The following NOP14 variants were observed in gnomAD, a reference collection of about 807,000 sequenced individuals.
The protein encoded by NOP14 is nucleolar protein 14.
In NOP14, 57 loss-of-function variants were observed where a neutral mutation model predicts 101.6. The ratio of observed to expected loss-of-function variants is 0.56; its 90% confidence interval spans 0.45 to 0.70. The LOEUF (loss-of-function observed/expected upper bound fraction) is 0.70, where lower values mean the gene tolerates loss of function less well. NOP14 is among the 30% of genes least tolerant of loss of function. The pLI is 0.00. For synonymous variants in NOP14, 428 were observed against 424.0 expected (o/e 1.01, Z -0.12); for missense variants, 1,134 against 1,075.5 (o/e 1.05, Z -0.76).
chr4:2,947,152 A>G (rs1173074964), intron 10 of NOP14: 2 of 282,536 alleles, frequency 7.1e-6, no homozygotes, highest in Non-Finnish European at 1.3e-5. Flanking sequence ...AAGCCACCCA[A>G]CTGGGTTTCA....
Position 2,939,793 on chromosome 4 carries a change from G to T in NOP14, c.2200-148C>A. On this transcript the variant is annotated intron_variant, in intron 15 of 17. Transcript: ENST00000416614. ...TGGTGCCCTTGCTGTGCGCCTACCG[G>T]TGGGCGGGGGGGTAAGCCAAGGCTG... The T allele has an allele frequency of 1.1e-5, 8 of 711,082 alleles. No homozygotes were observed. In the South Asian group the frequency reaches 1.3e-4, roughly 11 times the overall value. The allele number at this position is 711,082 out of a possible 1,614,324, so 44.0% of individuals were successfully genotyped here. A position where few individuals can be genotyped will look rare whatever the true frequency, so the allele number is the denominator to read the frequency against.
chr4:2,944,324 G>T, intron 12 of NOP14, 98 bp from the exon 13 acceptor site: 3 of 1,075,620 alleles, frequency 2.8e-6, no homozygotes, highest in Non-Finnish European at 4.1e-6. Flanking sequence ...ACCCCACTGA[G>T]CTTCACAAGT....
In NOP14 at chr4:2,963,271, G is replaced by C; in HGVS notation, c.49C>G (p.Pro17Ala). The part of the protein sequence containing the change: ...VGARRKASGA[P>A]AGARGGPAKA... ...GCCGGGCCCCCTCGCGCTCCCGCCG[G>C]CGCCCCGGAGGCCTTCCTTCGCGCC... Residue 17 changes from proline to alanine, a missense_variant, in exon 1 of 18, where the codon CCG (proline) becomes GCG (alanine). By Grantham distance (27) the Pro-to-Ala change is conservative. Coordinates refer to ENST00000416614, the MANE Select transcript of NOP14 (RefSeq NM_001291978.2). The C allele has an allele frequency of 6.3e-7, 1 of 1,591,144 alleles. No homozygotes were observed. Among genetic ancestry groups the C allele is most frequent in the East Asian group, 2.4e-5 (1 of 41,600 alleles).
At chr4:2,960,057 C>T (rs1339765811) in intron 1 of NOP14, among the ~76,000 whole-genome samples, 1 of 152,030 alleles carries the variant, frequency 6.6e-6, no homozygotes, top group Non-Finnish European at 1.5e-5. Context: ...ACAACCTCCA[C>T]CTGCCGGGTT....
rs1404192535 is a variant in NOP14 at position 2,948,338 on chromosome 4, C to T, written c.1353G>A (p.Val451=). Reference sequence around the variant, plus strand: ...GGTGGTTGCACTTCTGAATTCTCTCCACCACCAAAAGCTGCTCTTCCATCG... The same window carrying T: ...GGTGGTTGCACTTCTGAATTCTCTCTACCACCAAAAGCTGCTCTTCCATCG... ...GRSMEEQLLV[V]ERIQKCNHPS... Residue 451 remains valine (V), a synonymous_variant, in exon 9 of 18, where the codon GTG becomes GTA. Coordinates refer to ENST00000416614, the MANE Select transcript of NOP14 (RefSeq NM_001291978.2). 1 of 1,612,182 alleles carries T rather than the reference C, an allele frequency of 6.2e-7. No individual in the cohort carries two copies.
rs55690564 is a variant in NOP14 at position 2,960,798 on chromosome 4, T to C, written c.195+2327A>G. ...ATTAATATTATAATCACATTAATAT[T>C]AATATATTAATATTATAATCACATT... On this transcript the variant is annotated intron_variant, in intron 1 of 17. Coordinates refer to ENST00000416614, the MANE Select transcript of NOP14 (RefSeq NM_001291978.2). 2.0e-4 allele frequency among the ~76,000 whole-genome samples: 25 copies of C among 122,114 alleles called. 1 individual carries two copies. The highest frequency in any genetic ancestry group is 1.2e-3 in the South Asian group (5 of 4,260). The allele number at this position is 122,114 out of a possible 152,430, so 80.1% of individuals were successfully genotyped here.
At chr4:2,952,131 C>A in intron 6 of NOP14, 144 bp downstream of exon 6, 12 of 625,934 alleles carry the variant, frequency 1.9e-5, no homozygotes, top group Non-Finnish European at 2.6e-5. Flanking sequence ...AAAAGGTATT[C>A]ATGAATAAAT....
chr4:2,939,630 T>G lies in NOP14; in HGVS notation c.2215A>C (p.Thr739Pro). ...TTCTGGCTTTCCATTTCGGTCAGTGTGCTCTGACACAGCTCCTGAAAAACA... is the reference window on the plus strand; with the variant it reads ...TTCTGGCTTTCCATTTCGGTCAGTGGGCTCTGACACAGCTCCTGAAAAACA... ...PQELQELCQS[T>P]LTEMESQKQL... Residue 739 changes from threonine to proline, a missense_variant, in exon 16 of 18, where the codon ACA becomes CCA. Coordinates refer to ENST00000416614, the MANE Select transcript of NOP14 (RefSeq NM_001291978.2). 3.1e-6 allele frequency: 5 copies of G among 1,613,602 alleles called. No individual in the cohort carries two copies. Among genetic ancestry groups the G allele is most frequent in the Non-Finnish European group, 3.4e-6 (4 of 1,179,818 alleles).
intron 15 of NOP14, 168 bp downstream of exon 15, chr4:2,941,414 C>G: frequency 3.1e-6 from 2 of 646,336 alleles, no homozygotes; most frequent in Non-Finnish European, 5.3e-6. Flanking sequence ...GCACTGCTCA[C>G]CGTCACTGCC....
chr4:2,959,492 C>G (rs554011518), intron 1 of NOP14, among the ~76,000 whole-genome samples: 5 of 152,222 alleles, frequency 3.3e-5, no homozygotes, highest in East Asian at 1.9e-4. Context: ...ACTCAGGAGG[C>G]TGAGGCAGGA....
intron 5 of NOP14, among the ~76,000 whole-genome samples, chr4:2,952,788 C>G (rs982183956): frequency 6.6e-6 from 1 of 152,118 alleles, no homozygotes; most frequent in Non-Finnish European, 1.5e-5. Context: ...ACTAAAAATA[C>G]AAAAATTAGT....
In NOP14 at chr4:2,942,193, G is replaced by A. The variant is rs144256817; in HGVS notation, c.2050C>T (p.Arg684Ter). 6.2e-6 allele frequency: 10 copies of A among 1,613,640 alleles called. No homozygotes were observed. Among genetic ancestry groups the A allele is most frequent in the Admixed American group, 3.3e-5 (2 of 59,990 alleles). ...APTSTEANHI[R>*]LSCLAVGLAL... ...CCAAAGCGGGGTCCCCTCACATACC[G>A]GATGTGATTGGCCTCTGTCGAAGTT... Residue 684 changes from arginine to a stop codon, truncating the protein, a stop_gained and splice_region_variant, in exon 14 of 18, where the codon CGA (arginine) becomes TGA (stop). Transcript: ENST00000416614. LOFTEE classifies it high-confidence loss of function.
At position 2,941,591 on chromosome 4, in the gene NOP14, C is replaced by T. The variant is rs199512499; in HGVS notation, c.2190G>A (p.Gln730=). 1.6e-5 allele frequency: 26 copies of T among 1,612,226 alleles called. No homozygotes were observed. Among genetic ancestry groups the T allele is most frequent in the Admixed American group, 3.3e-5 (2 of 59,932 alleles). ...TDHLADCSHP[Q]ELQELCQSTL... ...GGCCGGGAAGCCTCACCTGGAGCTCCTGCGGGTGGCTGCAGTCCGCCAGGT... is the reference window on the plus strand; with the variant it reads ...GGCCGGGAAGCCTCACCTGGAGCTCTTGCGGGTGGCTGCAGTCCGCCAGGT... Residue 730 remains glutamine, a synonymous_variant, in exon 15 of 18, where the codon CAG becomes CAA. Coordinates refer to ENST00000416614, the MANE Select transcript of NOP14 (RefSeq NM_001291978.2).
rs566986795 is a variant in NOP14, at chr4:2,938,652, C to T, written c.*179G>A. 99 of 587,674 alleles carry T rather than the reference C, an allele frequency of 1.7e-4. No homozygotes were observed. The East Asian group carries it at 1.9e-3, about 11-fold the overall frequency. The allele number at this position is 587,674 out of a possible 1,614,324, so 36.4% of individuals were successfully genotyped here. On this transcript the variant is annotated 3_prime_UTR_variant, in exon 18 of 18. Coordinates refer to ENST00000416614, the MANE Select transcript of NOP14 (RefSeq NM_001291978.2). ...TCCCGAGTAGTTGGGACTACAGGTG[C>T]GTGCCACCACACTTGGCTAATTTTT...
intron 2 of NOP14, 72 bp from the exon 3 acceptor site, chr4:2,956,883 G>A: frequency 7.9e-7 from 1 of 1,260,260 alleles, no homozygotes; most frequent in Non-Finnish European, 1.1e-6. Flanking sequence ...AGATAAGGTA[G>A]ATATATATAT....
intron 10 of NOP14, chr4:2,947,220 G>A: frequency 4.6e-6 from 2 of 437,504 alleles, no homozygotes; most frequent in Non-Finnish European, 8.2e-6. Flanking sequence ...CAGTCACCCA[G>A]AGCTTGAAAC....
Position 2,963,396 on chromosome 4 carries a change from G to T in NOP14, c.-77C>A. On this transcript the variant is annotated 5_prime_UTR_variant, in exon 1 of 18. Transcript: ENST00000416614. ...CGCGCTACCCTAAGACACGTGCCGG[G>T]CCGCGGAACCGCTTCCTCGTCTCGC... 1 of 1,388,858 alleles carries T rather than the reference G, an allele frequency of 7.2e-7. No individual in the cohort carries two copies. The highest frequency in any genetic ancestry group is 9.4e-7 in the Non-Finnish European group (1 of 1,061,956). 86.0% of individuals were successfully genotyped at this position (1,388,858 alleles called of 1,614,324 possible). A position where few individuals can be genotyped will look rare whatever the true frequency, so the allele number is the denominator to read the frequency against.
rs1361393088 is a variant in NOP14 at position 2,951,264 on chromosome 4, G to A, written c.871-19C>T. 3 of 1,612,400 alleles carry A rather than the reference G, an allele frequency of 1.9e-6. No individual in the cohort carries two copies. The highest frequency in any genetic ancestry group is 2.5e-6 in the Non-Finnish European group (3 of 1,179,090). On this transcript the variant is annotated intron_variant, in intron 6 of 17. Transcript: ENST00000416614. ...TCTCAGCCTGAGCAGGAAGGAATGA[G>A]ATGTCTTAGAGCACACTCTTCCAAC...
intron 10 of NOP14, 164 bp downstream of exon 10, chr4:2,947,362 G>T: frequency 1.6e-6 from 1 of 612,724 alleles, no homozygotes; most frequent in Non-Finnish European, 2.9e-6. Flanking sequence ...GCCGGCTTGC[G>T]CTGTGAGGCT....
Sources: gnomAD v4.1 joint callset for allele counts (sites outside exome capture counted in the v4.1 genomes callset) on GRCh38, gnomAD v4.1.1 for gene constraint, MANE v1.5 for transcripts, NCBI Gene and HGNC (gene_info 2026-07-23, HGNC 2026-07-21) for gene names.